The following NPTN variants were observed in gnomAD, a reference collection of about 807,000 sequenced individuals.
NPTN encodes the protein SDR-1.
A neutral mutation model predicts 42.7 loss-of-function variants in NPTN; 5 were observed. The ratio of observed to expected loss-of-function variants is 0.12; its 90% CI spans 0.06 to 0.25. The LOEUF (loss-of-function observed/expected upper bound fraction) is 0.25. Ranked by LOEUF, NPTN falls within the 10% of genes least tolerant of loss-of-function variation. The probability of loss-of-function intolerance (pLI) is 1.00; values close to 1 mark genes in which losing one functional copy is unlikely to be tolerated. For synonymous variants in NPTN, 180 were observed against 201.9 expected (o/e 0.89, Z 0.92); for missense variants, 307 against 525.4 (o/e 0.58, Z 4.06).
At chr15:73,577,269 G>A (rs942310859) in intron 4 of NPTN, among the ~76,000 whole-genome samples, 4 of 152,186 alleles carry the variant, frequency 2.6e-5, no homozygotes, top group Non-Finnish European at 5.9e-5. Flanking sequence ...TCACCTTGGG[G>A]TTCACTCCCA....
intron 6 of NPTN, chr15:73,565,899 C>T (rs181378759): frequency 1.4e-4 from 59 of 434,996 alleles, no homozygotes; most frequent in Middle Eastern, 1.4e-3. Flanking sequence ...TAGTAAATAA[C>T]GGATTGCCTA....
chr15:73,609,324 G>A (rs533940759), intron 1 of NPTN, among the ~76,000 whole-genome samples: 4 of 152,266 alleles, frequency 2.6e-5, no homozygotes, highest in African/African-American at 9.6e-5. Flanking sequence ...AGTGTGTAAT[G>A]CTATTAGCCT....
chr15:73,632,236 T>A (rs557538991), intron 1 of NPTN, among the ~76,000 whole-genome samples: 4 of 151,564 alleles, frequency 2.6e-5, no homozygotes, highest in African/African-American at 9.7e-5. Flanking sequence ...TGCATTTTAC[T>A]CCCTTCCCTT....
At chr15:73,608,165 G>C (rs753964144) in intron 1 of NPTN, among the ~76,000 whole-genome samples, 1 of 152,130 alleles carries the variant, frequency 6.6e-6, no homozygotes, top group Non-Finnish European at 1.5e-5. Flanking sequence ...ACACTGACAG[G>C]ATGCTTCAAT....
intron 1 of NPTN, among the ~76,000 whole-genome samples, chr15:73,600,571 C>T (rs1897040894): frequency 6.6e-6 from 1 of 152,172 alleles, no homozygotes; most frequent in Non-Finnish European, 1.5e-5. Context: ...GGCCTGGAAT[C>T]CAAAGTGAAA....
intron 2 of NPTN, among the ~76,000 whole-genome samples, chr15:73,592,861 G>C (rs1566973364): frequency 6.6e-6 from 1 of 152,098 alleles, no homozygotes; most frequent in Non-Finnish European, 1.5e-5. Context: ...ATATTGTGTT[G>C]GTATTATGGG....
At chr15:73,577,590 T>C (rs1057334041) in intron 4 of NPTN, among the ~76,000 whole-genome samples, 4 of 152,196 alleles carry the variant, frequency 2.6e-5, no homozygotes, top group Admixed American at 1.3e-4. Context: ...GGGGACTAGA[T>C]TGCCTTTGTA....
At chr15:73,565,917 A>C in intron 6 of NPTN, 1 of 387,228 alleles carries the variant, frequency 2.6e-6, no homozygotes, top group South Asian at 1.9e-5. Context: ...CTAATACAAT[A>C]TCACCTCCAA....
In NPTN at chr15:73,597,434, G is replaced by A. The variant is rs1442065342; in HGVS notation, c.92-65C>T. 3.7e-5 allele frequency: 44 copies of A among 1,176,434 alleles called. No individual in the cohort carries two copies. The highest frequency in any genetic ancestry group is 4.8e-5 in the Non-Finnish European group (40 of 833,740). 72.9% of individuals were successfully genotyped at this position (1,176,434 alleles called of 1,614,324 possible). A position where few individuals can be genotyped will look rare whatever the true frequency, so the allele number is the denominator to read the frequency against. On this transcript the variant is annotated intron_variant, in intron 1 of 8. Transcript: ENST00000345330. This position sits in a 1 kb window ranked among gnomAD's most constrained non-coding sequence, Gnocchi z 6.3. ...CAGAAAAAAAAAAAAGAATCAACAG[G>A]TGTTAATAGTAATTTAAAGAAAAGA...
chr15:73,582,085 C>A (rs948554446), intron 4 of NPTN, among the ~76,000 whole-genome samples: 2 of 152,148 alleles, frequency 1.3e-5, no homozygotes, highest in Non-Finnish European at 2.9e-5. Context: ...GTGATCTGCC[C>A]GTCTTGGCCT....
chr15:73,616,681 C>G (rs1294065348), intron 1 of NPTN, among the ~76,000 whole-genome samples: 1 of 152,144 alleles, frequency 6.6e-6, no homozygotes, highest in Non-Finnish European at 1.5e-5. Flanking sequence ...TACCTCGTAA[C>G]TACATGATTA....
At chr15:73,629,618 T>C (rs1279140971) in intron 1 of NPTN, among the ~76,000 whole-genome samples, 1 of 152,100 alleles carries the variant, frequency 6.6e-6, no homozygotes, top group Non-Finnish European at 1.5e-5. Flanking sequence ...TAAGATTCAT[T>C]AGATTCCTTA....
intron 3 of NPTN, among the ~76,000 whole-genome samples, chr15:73,587,886 A>G (rs780082140): frequency 6.6e-6 from 1 of 152,220 alleles, no homozygotes; most frequent in Non-Finnish European, 1.5e-5. Flanking sequence ...ACAAAATGCA[A>G]AAGAAGTAAT....
chr15:73,582,708 T>C (rs1162540302), intron 4 of NPTN, among the ~76,000 whole-genome samples: 1 of 152,172 alleles, frequency 6.6e-6, no homozygotes. Context: ...AGAGGTCAGA[T>C]ACCCCCCACA....
rs769814248 is a variant in NPTN at position 73,587,575 on chromosome 15, C to T, written c.655G>A (p.Val219Ile). ...TTAGGAGCGCTGACAAAGTGATATA[C>T]GCAGTGGTATTCGCCTGAATCCTCA... is the stretch of plus-strand genomic sequence containing the variant. ...RAEDSGEYHC[V>I]YHFVSAPKAN... The change falls in exon 4 of 9, where the codon GTA (valine) becomes ATA (isoleucine). Residue 219 changes from valine to isoleucine, a missense_variant. Coordinates refer to ENST00000345330, the MANE Select transcript of NPTN (RefSeq NM_012428.4). The T allele has an allele frequency of 4.3e-6, 7 of 1,613,898 alleles. No individual in the cohort carries two copies. The highest frequency in any genetic ancestry group is 1.7e-5 in the Admixed American group (1 of 60,002).
At position 73,633,110 on chromosome 15, in the gene NPTN, C is replaced by G; in HGVS notation, c.91+15G>C. On this transcript the variant is annotated intron_variant, in intron 1 of 8. Transcript: ENST00000345330. ...CCTCAACCCCCGCCCGGCCCGCCCC[C>G]GGCGCCCCGCTTACCGTTCTGAGCG... 6.9e-7 allele frequency: 1 copy of G among 1,450,694 alleles called. No homozygotes were observed. 89.9% of individuals were successfully genotyped at this position (1,450,694 alleles called of 1,614,324 possible).
chr15:73,602,074 A>G (rs1167538172), intron 1 of NPTN, among the ~76,000 whole-genome samples: 1 of 152,210 alleles, frequency 6.6e-6, no homozygotes, highest in Non-Finnish European at 1.5e-5. Flanking sequence ...GTTGAGCCCA[A>G]TCCCAGGAAA....
intron 2 of NPTN, among the ~76,000 whole-genome samples, chr15:73,595,461 C>T (rs894466527): frequency 2.6e-5 from 4 of 152,228 alleles, no homozygotes; most frequent in Non-Finnish European, 4.4e-5. Context: ...GCCTCTCCTA[C>T]CACTGCCCTA....
At chr15:73,621,896 C>G (rs1225241684) in intron 1 of NPTN, among the ~76,000 whole-genome samples, 1 of 152,096 alleles carries the variant, frequency 6.6e-6, no homozygotes, top group Non-Finnish European at 1.5e-5. Flanking sequence ...TTATAGGCAC[C>G]ACTCCTTGCC....
Sources: allele counts gnomAD v4.1 joint callset (sites outside exome capture counted in the v4.1 genomes callset), GRCh38; gene constraint gnomAD v4.1.1; non-coding constraint Gnocchi (gnomAD v3.1); transcripts MANE v1.5; gene names NCBI Gene and HGNC (gene_info 2026-07-23, HGNC 2026-07-21).